The following GBE1 variants were observed in gnomAD, a reference collection of about 807,000 sequenced individuals.
GBE1 encodes 1,4-alpha-glucan branching enzyme 1.
In GBE1, 70 loss-of-function variants were observed where a neutral mutation model predicts 88.8. The observed-to-expected ratio is 0.79, with a 90% CI of 0.65 to 0.96. The LOEUF (loss-of-function observed/expected upper bound fraction) is 0.96. GBE1 is among the 40% of genes least tolerant of loss of function. The pLI is 0.00. For missense variants in GBE1, 872 were observed against 871.0 expected (o/e 1.00, Z -0.01); for synonymous variants, 284 against 300.1 (o/e 0.95, Z 0.56).
chr3:81,726,079 A>G, intron 1 of GBE1, among the ~76,000 whole-genome samples: 1 of 152,040 alleles, frequency 6.6e-6, no homozygotes, highest in Non-Finnish European at 1.5e-5. Flanking sequence ...TTAGAGGAAT[A>G]TGAACCACAT....
At chr3:81,734,838 T>C (rs1706238298) in intron 1 of GBE1, among the ~76,000 whole-genome samples, 1 of 152,182 alleles carries the variant, frequency 6.6e-6, no homozygotes, top group Admixed American at 6.6e-5. Context: ...TCTGTAGTTT[T>C]AGTTACCTGA....
At chr3:81,593,839 C>G in intron 8 of GBE1, 69 bp downstream of exon 8, 1 of 735,696 alleles carries the variant, frequency 1.4e-6, no homozygotes. Flanking sequence ...TAATAAAAAC[C>G]AAGACACCAG....
chr3:81,589,512 TA>T (rs1160649685), intron 9 of GBE1, among the ~76,000 whole-genome samples: 386 of 143,472 alleles, frequency 2.7e-3, no homozygotes, highest in Middle Eastern at 0.019. Flanking sequence ...CATCTTTTTT[TA>T]AAAAAAAAAA....
At chr3:81,559,175 T>C (rs1281629244) in intron 12 of GBE1, among the ~76,000 whole-genome samples, 1 of 151,990 alleles carries the variant, frequency 6.6e-6, no homozygotes, top group African/African-American at 2.4e-5. Context: ...GGGGACAAAG[T>C]CTTTGTTTTA....
chr3:81,628,130 C>A (rs1034894592), intron 7 of GBE1, among the ~76,000 whole-genome samples: 3 of 152,042 alleles, frequency 2.0e-5, no homozygotes, highest in African/African-American at 7.2e-5. Flanking sequence ...AATTCCAACC[C>A]CTTTCAGACT....
At chr3:81,492,944 G>T (rs1702456352) in intron 15 of GBE1, among the ~76,000 whole-genome samples, 1 of 152,016 alleles carries the variant, frequency 6.6e-6, no homozygotes, top group Non-Finnish European at 1.5e-5. Context: ...CTGCATGTTG[G>T]CCAGGATGGT....
intron 14 of GBE1, among the ~76,000 whole-genome samples, chr3:81,524,773 G>C (rs1331494102): frequency 6.6e-6 from 1 of 151,854 alleles, no homozygotes; most frequent in Non-Finnish European, 1.5e-5. Flanking sequence ...ATTTGTGTCT[G>C]TTTTTATGGC....
At chr3:81,714,750 T>C (rs1705918648) in intron 1 of GBE1, among the ~76,000 whole-genome samples, 1 of 152,194 alleles carries the variant, frequency 6.6e-6, no homozygotes, top group African/African-American at 2.4e-5. Context: ...CAAGCATTTA[T>C]TTCTTATAGT....
chr3:81,647,856 G>T lies in GBE1; in HGVS notation c.691+1000C>A, dbSNP rs1174617031. Reference sequence around the variant, plus strand: ...ATTTTTATGGCATTAATCATTCCTGGATTCACTTTCATTCCAGGTACTAGG... The same window carrying T: ...ATTTTTATGGCATTAATCATTCCTGTATTCACTTTCATTCCAGGTACTAGG... On this transcript the variant is annotated intron_variant, in intron 5 of 15. Coordinates refer to ENST00000429644, the MANE Select transcript of GBE1 (RefSeq NM_000158.4). 2.0e-5 allele frequency among the ~76,000 whole-genome samples: 3 copies of T among 151,974 alleles called. No homozygotes were observed. In the East Asian group the frequency reaches 5.8e-4, roughly 29 times the overall value.
chr3:81,547,319 G>A (rs1576143319), intron 12 of GBE1, among the ~76,000 whole-genome samples: 1 of 151,362 alleles, frequency 6.6e-6, no homozygotes, highest in Non-Finnish European at 1.5e-5. Flanking sequence ...TAAAGTCCTC[G>A]GATAAGAACG....
Position 81,757,843 on chromosome 3 carries a change from T to C in GBE1, c.143+3532A>G, listed in dbSNP as rs570301787. Among the ~76,000 whole-genome samples the C allele has an allele frequency of 2.7e-4, 41 of 152,194 alleles. No homozygotes were observed. The South Asian group carries it at 6.6e-3, about 25-fold the overall frequency. On this transcript the variant is annotated intron_variant, in intron 1 of 15. Coordinates refer to ENST00000429644, the MANE Select transcript of GBE1 (RefSeq NM_000158.4). Reference sequence around the variant, plus strand: ...TGGAGACAGATGTGGGCAGCCTCAGTAGATAGATGGAATCCATGGGATGGA... The same window carrying C: ...TGGAGACAGATGTGGGCAGCCTCAGCAGATAGATGGAATCCATGGGATGGA...
chr3:81,533,161 T>C (rs776772919), intron 14 of GBE1, among the ~76,000 whole-genome samples: 1 of 152,092 alleles, frequency 6.6e-6, no homozygotes, highest in African/African-American at 2.4e-5. Context: ...TTTGATTATA[T>C]TGCACTACCA....
At chr3:81,709,769 T>C (rs1385693724) in intron 1 of GBE1, among the ~76,000 whole-genome samples, 2 of 152,160 alleles carry the variant, frequency 1.3e-5, no homozygotes, top group African/African-American at 2.4e-5. Context: ...CAGCTTCTGA[T>C]ACAGAAATAC....
chr3:81,510,866 T>C (rs1165460134), intron 14 of GBE1, among the ~76,000 whole-genome samples: 1 of 152,068 alleles, frequency 6.6e-6, no homozygotes, highest in Non-Finnish European at 1.5e-5. Context: ...TAATAATGTG[T>C]TATATACTTG....
At chr3:81,692,465 C>A (rs368372330) in intron 2 of GBE1, among the ~76,000 whole-genome samples, 8 of 152,254 alleles carry the variant, frequency 5.3e-5, no homozygotes, top group African/African-American at 1.9e-4. Context: ...CATTAAAACA[C>A]CAGGAAATAT....
At chr3:81,591,635 G>T (rs924697472) in intron 8 of GBE1, among the ~76,000 whole-genome samples, 2 of 151,978 alleles carry the variant, frequency 1.3e-5, no homozygotes, top group African/African-American at 4.8e-5. Context: ...ATGCAATATG[G>T]AGTTCCCTAT....
intron 14 of GBE1, among the ~76,000 whole-genome samples, chr3:81,512,887 TG>T (rs1240715390): frequency 6.6e-6 from 1 of 151,816 alleles, no homozygotes; most frequent in Non-Finnish European, 1.5e-5. Context: ...TTCAGACACA[TG>T]ATTCATACGA....
rs1706506638 is a variant in GBE1 at position 81,750,633 on chromosome 3, A to ATG, written c.143+10741_143+10742insCA. Among the ~76,000 whole-genome samples the ATG allele has an allele frequency of 1.4e-4, 6 of 42,080 alleles. No homozygotes were observed. The South Asian group carries it at 1.8e-3, about 12-fold the overall frequency. 27.6% of individuals were successfully genotyped at this position (42,080 alleles called of 152,430 possible). A position where few individuals can be genotyped will look rare whatever the true frequency, so the allele number is the denominator to read the frequency against. ...TATATATATGTATATATATATACGTATATATATATATGTATATATATATAT... is the reference window on the plus strand; with the variant it reads ...TATATATATGTATATATATATACGTATGTATATATATATGTATATATATATAT... On this transcript the variant is annotated intron_variant, in intron 1 of 15. Transcript: ENST00000429644.
intron 12 of GBE1, among the ~76,000 whole-genome samples, chr3:81,570,870 T>G (rs1190101953): frequency 1.3e-5 from 2 of 152,214 alleles, no homozygotes; most frequent in Non-Finnish European, 2.9e-5. Context: ...TAATTATATC[T>G]GTAAATGTGT....
Sources: gnomAD v4.1 joint callset for allele counts (sites outside exome capture counted in the v4.1 genomes callset) on GRCh38, gnomAD v4.1.1 for gene constraint, MANE v1.5 for transcripts, NCBI Gene and HGNC (gene_info 2026-07-23, HGNC 2026-07-21) for gene names.